Variants in MYCBP2 observed in about 807,000 individuals in gnomAD.
The protein encoded by MYCBP2 is MYC binding protein 2.
MYCBP2 carries 120 observed loss-of-function variants against 525.3 expected under a neutral mutation model. The observed-to-expected ratio is 0.23, with a 90% CI of 0.20 to 0.27. The LOEUF (loss-of-function observed/expected upper bound fraction) is 0.27, where lower values mean the gene tolerates loss of function less well. Among genes scored for constraint, MYCBP2 ranks in the 10% least tolerant of loss-of-function variants. The pLI is 1.00. For synonymous variants in MYCBP2, 1,894 were observed against 1,955.8 expected, an observed-to-expected ratio of 0.97 and a Z score of 0.83; for missense variants, 4,149 against 5,657.1, an observed-to-expected ratio of 0.73 and a Z score of 8.55.
At chr13:77,091,879 A>G (rs1385232047) in intron 59 of MYCBP2, among the ~76,000 whole-genome samples, 2 of 152,146 alleles carry the variant, frequency 1.3e-5, no homozygotes, top group Admixed American at 6.6e-5. Context: ...TAGTAACCCA[A>G]TGAGAATCAC....
At chr13:77,249,483 G>A (rs1594327581) in intron 15 of MYCBP2, among the ~76,000 whole-genome samples, 1 of 152,112 alleles carries the variant, frequency 6.6e-6, no homozygotes, top group Non-Finnish European at 1.5e-5. Context: ...TTTCAAAAGG[G>A]ACCAGATAAT....
At chr13:77,301,854 A>G (rs1035561380) in intron 1 of MYCBP2, among the ~76,000 whole-genome samples, 3 of 152,180 alleles carry the variant, frequency 2.0e-5, no homozygotes, top group African/African-American at 7.2e-5. Context: ...CATAATTTAT[A>G]AAAAAAGAAC....
intron 3 of MYCBP2, among the ~76,000 whole-genome samples, chr13:77,284,884 T>C (rs147450769): frequency 6.6e-6 from 1 of 152,278 alleles, no homozygotes; most frequent in African/African-American, 2.4e-5. Context: ...GGCACGGATG[T>C]GTCAAATAAC....
At chr13:77,131,287 C>G (rs1823870082) in intron 52 of MYCBP2, among the ~76,000 whole-genome samples, 1 of 152,014 alleles carries the variant, frequency 6.6e-6, no homozygotes, top group African/African-American at 2.4e-5. Flanking sequence ...AAGGCTGAGA[C>G]AGGAGGATTG....
chr13:77,245,109 AT>A (rs1254916693), intron 15 of MYCBP2, among the ~76,000 whole-genome samples: 2 of 152,280 alleles, frequency 1.3e-5, no homozygotes, highest in East Asian at 3.9e-4. Context: ...GACACAACAG[AT>A]TCTGGAGAGG....
At chr13:77,243,214 C>A in intron 16 of MYCBP2, 54 bp from the exon 17 acceptor site, 1 of 1,294,138 alleles carries the variant, frequency 7.7e-7, no homozygotes. Flanking sequence ...TATATAATAG[C>A]TATGACAGAA....
At chr13:77,268,622 T>G (rs1396453695) in intron 7 of MYCBP2, among the ~76,000 whole-genome samples, 7 of 151,806 alleles carry the variant, frequency 4.6e-5, no homozygotes, top group Admixed American at 4.6e-4. Context: ...CTACTAAAAA[T>G]ACAAAAATTA....
intron 17 of MYCBP2, among the ~76,000 whole-genome samples, chr13:77,234,196 T>C (rs987038906): frequency 1.3e-5 from 2 of 151,986 alleles, no homozygotes; most frequent in Non-Finnish European, 2.9e-5. Context: ...TTTTTTCTTA[T>C]ACAGCAGAAC....
intron 55 of MYCBP2, chr13:77,121,087 A>C (rs977295533): frequency 5.3e-6 from 1 of 188,130 alleles, no homozygotes; most frequent in African/African-American, 2.3e-5. Context: ...GATTTAGTGA[A>C]ATAGAATCTT....
chr13:77,152,176 T>A (rs2056561703), intron 46 of MYCBP2, among the ~76,000 whole-genome samples: 1 of 152,218 alleles, frequency 6.6e-6, no homozygotes, highest in Non-Finnish European at 1.5e-5. Context: ...TATATAATGT[T>A]AGGCACAGGT....
chr13:77,244,941 G>T (rs1423455902), intron 15 of MYCBP2, among the ~76,000 whole-genome samples: 1 of 152,098 alleles, frequency 6.6e-6, no homozygotes, highest in Non-Finnish European at 1.5e-5. Context: ...ATCAAAAAGT[G>T]GGCGAAGGAT....
intron 26 of MYCBP2, among the ~76,000 whole-genome samples, chr13:77,194,981 T>A (rs78186824): frequency 6.6e-6 from 1 of 150,538 alleles, no homozygotes; most frequent in African/African-American, 2.4e-5. Context: ...TGAAATTAAG[T>A]GAAAATAAGA....
chr13:77,172,188 G>A (rs141624966), intron 37 of MYCBP2, among the ~76,000 whole-genome samples: 1 of 151,766 alleles, frequency 6.6e-6, no homozygotes, highest in African/African-American at 2.4e-5. Flanking sequence ...AGTGAGCCGC[G>A]CACCCAGCTG....
Position 77,181,753 on chromosome 13 carries a change from G to A in MYCBP2, c.4889C>T (p.Thr1630Ile). 2 of 1,614,094 alleles carry A rather than the reference G, an allele frequency of 1.2e-6. No homozygotes were observed. Among genetic ancestry groups the A allele is most frequent in the Non-Finnish European group, 8.5e-7 (1 of 1,179,968 alleles). ...CAAAAGGGGAAAACGATGAACTAGT[G>A]TTGAGTCGTTCTCTGTACTAACTTG... Reference protein sequence around the residue: ...VKQVSTENDSTLVHRFPLLVA... With the variant: ...VKQVSTENDSILVHRFPLLVA... The change falls in exon 33 of 83, where the codon ACA (threonine) becomes ATA (isoleucine). Residue 1630 changes from threonine (T) to isoleucine (I), a missense_variant. Thr to Ile is a moderately conservative substitution (Grantham distance 89). Coordinates refer to ENST00000544440, the MANE Select transcript of MYCBP2 (RefSeq NM_015057.5).
At chr13:77,137,712 C>T (rs1236844064) in intron 52 of MYCBP2, among the ~76,000 whole-genome samples, 1 of 152,132 alleles carries the variant, frequency 6.6e-6, no homozygotes, top group African/African-American at 2.4e-5. Context: ...CTTCAGCCTC[C>T]AGAGTAGCTA....
Position 77,326,808 on chromosome 13 carries a change from C to A in MYCBP2, c.-33G>T. The A allele has an allele frequency of 1.4e-6, 2 of 1,395,112 alleles. No homozygotes were observed. Among genetic ancestry groups the A allele is most frequent in the South Asian group, 1.6e-5 (1 of 61,354 alleles). The allele number at this position is 1,395,112 out of a possible 1,614,324, so 86.4% of individuals were successfully genotyped here. On this transcript the variant is annotated 5_prime_UTR_variant, in exon 1 of 83. Transcript: ENST00000544440. The surrounding 1 kb of genome is among the most constrained non-coding windows in gnomAD (Gnocchi z 4.2). ...GCCGCCGCCGCCGCCGCCGCCTCGT[C>A]CCCGCGGGCCGGGCGGGCAGACACG...
At chr13:77,109,628 G>T (rs1472860840) in intron 55 of MYCBP2, 1 of 152,290 alleles carries the variant, frequency 6.6e-6, no homozygotes, top group Non-Finnish European at 1.5e-5. Context: ...ATAACCTCTT[G>T]TCTTTCTCAC....
chr13:77,158,166 A>C, intron 44 of MYCBP2, 57 bp from the exon 45 acceptor site: 5 of 1,217,090 alleles, frequency 4.1e-6, no homozygotes, highest in Non-Finnish European at 5.5e-6. Context: ...TAATTACATA[A>C]AATTTTTCAA....
chr13:77,256,764 C>T (rs1161198494), intron 14 of MYCBP2, among the ~76,000 whole-genome samples: 1 of 152,072 alleles, frequency 6.6e-6, no homozygotes, highest in Non-Finnish European at 1.5e-5. Context: ...AAAGGGAACA[C>T]TTGTACACTG....
Sources: gnomAD v4.1 joint callset for allele counts (sites outside exome capture counted in the v4.1 genomes callset) on GRCh38, gnomAD v4.1.1 for gene constraint, Gnocchi (gnomAD v3.1) non-coding constraint, MANE v1.5 for transcripts, NCBI Gene and HGNC (gene_info 2026-07-23, HGNC 2026-07-21) for gene names.